Variants in RSBN1L observed in about 807,000 individuals in gnomAD.
RSBN1L encodes round spermatid basic protein 1 like.
A neutral mutation model predicts 67.7 loss-of-function variants in RSBN1L; 30 were observed. The observed-to-expected ratio is 0.44, with a 90% confidence interval of 0.33 to 0.60. The LOEUF is 0.60. Among genes scored for constraint, RSBN1L ranks in the 20% least tolerant of loss-of-function variants. The pLI is 0.02. For synonymous variants in RSBN1L, 433 were observed against 387.0 expected (o/e 1.12, Z -1.39); for missense variants, 992 against 1,031.7 (o/e 0.96, Z 0.53).
Position 77,725,944 on chromosome 7 carries a change from CCTG to C in RSBN1L, c.587-10463_587-10461del, listed in dbSNP as rs201138510. On this transcript the variant is annotated intron_variant, in intron 1 of 7. Coordinates refer to ENST00000334955, the MANE Select transcript of RSBN1L (RefSeq NM_198467.3). ...ACTATATATATGCCTTTTTCTGTAACCTGCTTTTTTTTTTAGTTAACAGTGTGT... is the reference window on the plus strand; with the variant it reads ...ACTATATATATGCCTTTTTCTGTAACCTTTTTTTTTTAGTTAACAGTGTGT... 4.0e-3 allele frequency among the ~76,000 whole-genome samples: 608 copies of C among 152,002 alleles called. 3 individuals are homozygous for C. Among genetic ancestry groups the C allele is most frequent in the Non-Finnish European group, 4.4e-3 (296 of 67,940 alleles).
chr7:77,767,057 T>C (rs1309753214), intron 4 of RSBN1L, among the ~76,000 whole-genome samples: 1 of 117,924 alleles, frequency 8.5e-6, no homozygotes, highest in Non-Finnish European at 1.7e-5. Context: ...CCCCTTCCCC[T>C]TCCCTTTCCC....
chr7:77,707,312 C>T (rs1790906778), intron 1 of RSBN1L, among the ~76,000 whole-genome samples: 1 of 152,188 alleles, frequency 6.6e-6, no homozygotes, highest in South Asian at 2.1e-4. Flanking sequence ...GCTTGAGCAA[C>T]CGTGTCTGGC....
intron 2 of RSBN1L, among the ~76,000 whole-genome samples, chr7:77,739,145 T>C (rs758062420): frequency 4.6e-5 from 7 of 152,120 alleles, no homozygotes; most frequent in Non-Finnish European, 1.0e-4. Context: ...GAGCCTGTGG[T>C]GGTGGTAGGG....
intron 3 of RSBN1L, among the ~76,000 whole-genome samples, chr7:77,760,177 C>T (rs1055167718): frequency 2.0e-5 from 3 of 152,038 alleles, no homozygotes; most frequent in Non-Finnish European, 4.4e-5. Context: ...TTGTAGCAAG[C>T]CCACCTCAGA....
chr7:77,740,985 C>CTTTTTTTTTTTTTTTT (rs869081974), intron 2 of RSBN1L, among the ~76,000 whole-genome samples: 1 of 102,924 alleles, frequency 9.7e-6, no homozygotes, highest in Non-Finnish European at 1.9e-5. Flanking sequence ...CTTTTCTTTT[C>CTTTTTTTTTTTTTTTT]TTTTTTTTTT....
intron 3 of RSBN1L, among the ~76,000 whole-genome samples, chr7:77,764,658 G>A (rs1791739017): frequency 6.7e-6 from 1 of 148,660 alleles, no homozygotes; most frequent in Non-Finnish European, 1.5e-5. Context: ...ACATAGTCTC[G>A]CTCTGTCGCC....
chr7:77,741,454 G>A (rs1312919728), intron 2 of RSBN1L, among the ~76,000 whole-genome samples: 2 of 151,726 alleles, frequency 1.3e-5, no homozygotes, highest in African/African-American at 2.4e-5. Flanking sequence ...CATTTTGGGA[G>A]GCTGAGATGG....
chr7:77,774,943 C>G (rs62460738), intron 6 of RSBN1L, among the ~76,000 whole-genome samples: 34,283 of 151,826 alleles, frequency 0.23, 4,139 homozygotes, highest in South Asian at 0.28. Flanking sequence ...CTCACAGCAG[C>G]CTTGACCACC....
At position 77,767,013 on chromosome 7, in the gene RSBN1L, TCCTTCCCCTTCCCCTTCCCTTTCCCCTTC is replaced by T. The variant is rs766884125; in HGVS notation, c.1482+1436_1482+1464del. ...TAAATGCATTATTTCTCCTTTCCTT[TCCTTCCCCTTCCCCTTCCCTTTCCCCTTC>T]CCTTCCCCTTCCCCTTCCCTTTCCC... On this transcript the variant is annotated intron_variant, in intron 4 of 7. Transcript: ENST00000334955. Among the ~76,000 whole-genome samples the T allele has an allele frequency of 1.7e-3, 254 of 147,596 alleles. 3 individuals carry two copies. Among genetic ancestry groups the T allele is most frequent in the African/African-American group, 4.7e-3 (180 of 38,000 alleles).
chr7:77,741,667 G>C (rs1464444617), intron 2 of RSBN1L, among the ~76,000 whole-genome samples: 3 of 147,572 alleles, frequency 2.0e-5, no homozygotes, highest in Non-Finnish European at 4.5e-5. Flanking sequence ...ACTCCAACCT[G>C]AGTGACAGAG....
At chr7:77,720,619 C>G (rs13237154) in intron 1 of RSBN1L, among the ~76,000 whole-genome samples, 63,417 of 151,590 alleles carry the variant, frequency 0.42, 13,573 homozygotes, top group African/African-American at 0.5. Flanking sequence ...TGAGGCACAA[C>G]ACGGTTAAGT....
intron 5 of RSBN1L, among the ~76,000 whole-genome samples, chr7:77,772,835 A>G (rs776788925): frequency 6.6e-5 from 10 of 152,332 alleles, no homozygotes; most frequent in Admixed American, 2.6e-4. Flanking sequence ...GTGTTACCCA[A>G]GAGATCTGAG....
At chr7:77,750,789 C>G (rs544702974) in intron 3 of RSBN1L, among the ~76,000 whole-genome samples, 1 of 151,978 alleles carries the variant, frequency 6.6e-6, no homozygotes, top group African/African-American at 2.4e-5. Context: ...TTTTTGGTTT[C>G]TAGGACAACA....
chr7:77,721,918 A>T (rs1006155531), intron 1 of RSBN1L, among the ~76,000 whole-genome samples: 1 of 152,170 alleles, frequency 6.6e-6, no homozygotes, highest in Admixed American at 6.5e-5. Flanking sequence ...GAAAGAAACT[A>T]TAGGTACGGA....
chr7:77,770,682 TA>T (rs886761018), intron 5 of RSBN1L, among the ~76,000 whole-genome samples: 29 of 149,108 alleles, frequency 1.9e-4, no homozygotes, highest in African/African-American at 4.2e-4. Flanking sequence ...ACCTATCTCT[TA>T]AAAAAAAAAT....
chr7:77,750,242 T>A (rs1791537578), intron 3 of RSBN1L, among the ~76,000 whole-genome samples, 178 bp downstream of exon 3: 1 of 151,414 alleles, frequency 6.6e-6, no homozygotes, highest in African/African-American at 2.4e-5. Flanking sequence ...AATTCAATTT[T>A]CACTTATGTA....
At position 77,774,046 on chromosome 7, in the gene RSBN1L, A is replaced by G. The variant is rs138199550; in HGVS notation, c.1793+732A>G. ...AATGGTAGAGCTGAGACTGATTTCA[A>G]TCTGATTCCATACTCTTCTGTTTTC... On this transcript the variant is annotated intron_variant, in intron 6 of 7. Transcript: ENST00000334955. Among the ~76,000 whole-genome samples, 169 of 152,340 alleles carry G rather than the reference A, an allele frequency of 1.1e-3. 1 individual carries two copies. Among genetic ancestry groups the G allele is most frequent in the African/African-American group, 3.8e-3 (160 of 41,572 alleles).
In RSBN1L at chr7:77,749,444, A is replaced by T. The variant is rs1213369374; in HGVS notation, c.724A>T (p.Thr242Ser). ...LLKSGKEKPK[T>S]NIEDLQIKKV... ...AACAGGTGGGAAGGAGAAACCAAAA[A>T]CAAATATAGAAGACTTACAAATTAA... Residue 242 changes from threonine (T) to serine (S), a missense_variant, in exon 3 of 8, where the codon ACA becomes TCA. By Grantham distance (58) the Thr-to-Ser change is moderately conservative. Around this residue, in one of 7 missense-constraint regions of RSBN1L, gnomAD observed 575 missense variants for 483.2 expected, o/e 1.19. Transcript: ENST00000334955. 6.4e-7 allele frequency: 1 copy of T among 1,562,298 alleles called. No individual in the cohort carries two copies. Among genetic ancestry groups the T allele is most frequent in the South Asian group, 1.2e-5 (1 of 82,370 alleles).
chr7:77,766,532 T>C (rs1400273428), intron 4 of RSBN1L, among the ~76,000 whole-genome samples: 1 of 152,128 alleles, frequency 6.6e-6, no homozygotes. Flanking sequence ...TTTTTTTTTT[T>C]TTAAAGCCTC....
Sources: allele counts gnomAD v4.1 joint callset (sites outside exome capture counted in the v4.1 genomes callset), GRCh38; gene constraint gnomAD v4.1.1; regional missense constraint gnomAD v4.1.1; transcripts MANE v1.5; gene names NCBI Gene and HGNC (gene_info 2026-07-23, HGNC 2026-07-21).